IHH: variants seen among roughly 807,000 people sequenced by gnomAD.
IHH encodes the protein indian hedgehog protein.
In IHH, 9 loss-of-function variants were observed where a neutral mutation model predicts 29.4. The observed-to-expected ratio is 0.31, with a 90% CI of 0.18 to 0.53. The LOEUF (loss-of-function observed/expected upper bound fraction) is 0.53. IHH is among the 20% of genes least tolerant of loss of function. The pLI is 0.95. For synonymous variants in IHH, 254 were observed against 252.7 expected (o/e 1.01, Z -0.05); for missense variants, 454 against 578.1 (o/e 0.79, Z 2.20).
chr2:219,057,402 C>A, intron 2 of IHH, 31 bp downstream of exon 2: 1 of 1,552,244 alleles, frequency 6.4e-7, no homozygotes, highest in South Asian at 1.2e-5. Context: ...GCGGCCCCGG[C>A]CCCGGGCCCA....
intron 1 of IHH, 121 bp from the exon 2 acceptor site, chr2:219,057,815 C>A: frequency 7.3e-7 from 1 of 1,365,382 alleles, no homozygotes; most frequent in South Asian, 1.2e-5. Flanking sequence ...GAGCTGGAAG[C>A]CCGGGAGGGT....
rs778251745 is a variant in IHH at position 219,055,776 on chromosome 2, C to T, written c.667G>A (p.Val223Met). 5.0e-6 allele frequency: 8 copies of T among 1,613,374 alleles called. No homozygotes were observed. Among genetic ancestry groups the T allele is most frequent in the Middle Eastern group, 1.6e-4 (1 of 6,078 alleles). ...GCCAGCACACGGTCTCCCGGCCTCACGGCTGACAAGGCCACACGCGCCCCA... is the reference window on the plus strand; with the variant it reads ...GCCAGCACACGGTCTCCCGGCCTCATGGCTGACAAGGCCACACGCGCCCCA... ...ESGARVALSA[V>M]RPGDRVLAMG... Residue 223 changes from valine to methionine, a missense_variant, in exon 3 of 3, where the codon GTG becomes ATG. Coordinates refer to ENST00000295731, the MANE Select transcript of IHH (RefSeq NM_002181.4).
intron 1 of IHH, among the ~76,000 whole-genome samples, chr2:219,058,283 C>T (rs1406759840): frequency 2.0e-5 from 3 of 152,036 alleles, no homozygotes; most frequent in African/African-American, 7.2e-5. Context: ...CGCCGGCCTG[C>T]CTGGATCCCT....
intron 2 of IHH, among the ~76,000 whole-genome samples, 183 bp from the exon 3 acceptor site, chr2:219,056,048 C>T (rs1948828243): frequency 6.6e-6 from 1 of 151,898 alleles, no homozygotes; most frequent in African/African-American, 2.4e-5. Context: ...TCACTGCCCC[C>T]ATCCCCTTAC....
rs767980207 is a variant in IHH at position 219,057,508 on chromosome 2, G to C, written c.502C>G (p.Arg168Gly). 2 of 1,613,648 alleles carry C rather than the reference G, an allele frequency of 1.2e-6. No homozygotes were observed. Among genetic ancestry groups the C allele is most frequent in the Non-Finnish European group, 1.7e-6 (2 of 1,179,932 alleles). The change falls in exon 2 of 3, where the codon CGC becomes GGC. Residue 168 changes from arginine (R) to glycine (G), a missense_variant. By Grantham distance (125) the Arg-to-Gly change is moderately radical (BLOSUM62 -2). Coordinates refer to ENST00000295731, the MANE Select transcript of IHH (RefSeq NM_002181.4). ...RDRNKYGLLA[R>G]LAVEAGFDWV... Reference sequence around the variant, plus strand: ...TCAAAGCCGGCCTCCACTGCCAAGCGCGCCAGCAGTCCATACTTATTGCGG... The same window carrying C: ...TCAAAGCCGGCCTCCACTGCCAAGCCCGCCAGCAGTCCATACTTATTGCGG...
Position 219,059,159 on chromosome 2 carries a change from C to T in IHH, c.315+994G>A, listed in dbSNP as rs915804381. ...CCCGGCCCGGCCACCAGCCAACCTT[C>T]GGCCCCGACACTGGCCGGCCAGCCC... On this transcript the variant is annotated intron_variant, in intron 1 of 2. Transcript: ENST00000295731. This position sits in a 1 kb window ranked among gnomAD's most constrained non-coding sequence, Gnocchi z 4.7. Among the ~76,000 whole-genome samples, 1 of 152,222 alleles carries T rather than the reference C, an allele frequency of 6.6e-6. No homozygotes were observed. Among genetic ancestry groups the T allele is most frequent in the Non-Finnish European group, 1.5e-5 (1 of 68,042 alleles).
rs1366285942 is a variant in IHH at position 219,059,297 on chromosome 2, G to T, written c.315+856C>A. Among the ~76,000 whole-genome samples the T allele has an allele frequency of 6.6e-6, 1 of 152,230 alleles. No individual in the cohort carries two copies. The highest frequency in any genetic ancestry group is 1.5e-5 in the Non-Finnish European group (1 of 68,036). On this transcript the variant is annotated intron_variant, in intron 1 of 2. Coordinates refer to ENST00000295731, the MANE Select transcript of IHH (RefSeq NM_002181.4). This position sits in a 1 kb window ranked among gnomAD's most constrained non-coding sequence, Gnocchi z 4.7. ...CCTCGGGAGACCCCGAAGGAAGGGG[G>T]TGAAGGTCTCTCCCCTCGCGGACCT...
chr2:219,057,245 T>C (rs567234885), intron 2 of IHH, among the ~76,000 whole-genome samples, 188 bp downstream of exon 2: 164 of 152,336 alleles, frequency 1.1e-3, no homozygotes, highest in African/African-American at 3.7e-3. Flanking sequence ...GCTCCTACCA[T>C]GACACTGCCA....
chr2:219,057,280 G>A (rs200248223), intron 2 of IHH, among the ~76,000 whole-genome samples, 153 bp downstream of exon 2: 3 of 152,212 alleles, frequency 2.0e-5, no homozygotes, highest in Non-Finnish European at 4.4e-5. Flanking sequence ...AGGCAGTCAC[G>A]GTCAGGAGCA....
rs138163374 is a variant in IHH, at chr2:219,055,578, G to A, written c.865C>T (p.Arg289Cys). The A allele has an allele frequency of 1.4e-5, 22 of 1,613,202 alleles. 1 individual carries two copies. Among genetic ancestry groups the A allele is most frequent in the African/African-American group, 1.1e-4 (8 of 74,940 alleles). Reference protein sequence around the residue: ...TADNHTEPAARFRATFASHVQ... With the variant: ...TADNHTEPAACFRATFASHVQ... ...TGGCTGGCAAATGTGGCCCGGAAGC[G>A]GGCTGCCGGCTCCGTGTGATTGTCA... is the stretch of plus-strand genomic sequence containing the variant. The change falls in exon 3 of 3, where the codon CGC becomes TGC. Residue 289 changes from arginine to cysteine, a missense_variant. Arg to Cys is a radical substitution (Grantham distance 180, BLOSUM62 -3). This residue lies in a region of IHH where 271 missense variants were observed against 315.9 expected (regional missense o/e 0.86). Coordinates refer to ENST00000295731, the MANE Select transcript of IHH (RefSeq NM_002181.4).
Position 219,060,845 on chromosome 2 carries a change from A to G in IHH, c.-378T>C, listed in dbSNP as rs1948876521. On this transcript the variant is annotated 5_prime_UTR_variant, in exon 1 of 3. Transcript: ENST00000295731. The surrounding 1 kb of genome is among the most constrained non-coding windows in gnomAD (Gnocchi z 8.8). ...CGGCGGGCTGCAGGGCCCCGCGGTT[A>G]GCACCCCGGCCCGGCGGTCAGGCGG... is the stretch of plus-strand genomic sequence containing the variant. Among the ~76,000 whole-genome samples the G allele has an allele frequency of 6.7e-6, 1 of 148,342 alleles. No homozygotes were observed. The highest frequency in any genetic ancestry group is 2.1e-4 in the South Asian group (1 of 4,790).
intron 2 of IHH, 99 bp downstream of exon 2, chr2:219,057,334 C>G: frequency 1.5e-6 from 2 of 1,340,110 alleles, no homozygotes; most frequent in Non-Finnish European, 1.0e-6. Flanking sequence ...CGGATCCCTG[C>G]CTCCATCCCC....
chr2:219,055,178 AG>A lies in IHH; in HGVS notation c.*28del. On this transcript the variant is annotated 3_prime_UTR_variant, in exon 3 of 3. Transcript: ENST00000295731. The stretch of plus-strand genomic sequence containing the variant: ...GAGAGGCTTCTGGACCCAGTACAGC[AG>A]TTCCAGGAGGGCAGCGGTGGAGTCC... The A allele has an allele frequency of 6.4e-7, 1 of 1,551,218 alleles. No homozygotes were observed. The highest frequency in any genetic ancestry group is 1.2e-5 in the South Asian group (1 of 84,184).
rs1948862344 is a variant in IHH at position 219,059,469 on chromosome 2, C to A, written c.315+684G>T. Among the ~76,000 whole-genome samples the A allele has an allele frequency of 6.6e-6, 1 of 152,172 alleles. No individual in the cohort carries two copies. Among genetic ancestry groups the A allele is most frequent in the African/African-American group, 2.4e-5 (1 of 41,448 alleles). ...CTCCTTCCCGTCCCCACCACCAAGC[C>A]CAGGAATCCCCTAAGCTCAGTCCCA... On this transcript the variant is annotated intron_variant, in intron 1 of 2. Transcript: ENST00000295731. The surrounding 1 kb of genome is among the most constrained non-coding windows in gnomAD (Gnocchi z 4.7).
chr2:219,057,225 A>G (rs1480823491), intron 2 of IHH, among the ~76,000 whole-genome samples: 1 of 152,208 alleles, frequency 6.6e-6, no homozygotes, highest in Non-Finnish European at 1.5e-5. Flanking sequence ...ACAGGGCCCT[A>G]TCGCCCTAGG....
chr2:219,058,156 G>A (rs1237907548), intron 1 of IHH, among the ~76,000 whole-genome samples: 3 of 152,184 alleles, frequency 2.0e-5, no homozygotes, highest in African/African-American at 7.2e-5. Context: ...TGCAAGGCCC[G>A]AGGTGCCCAG....
rs1948815447 is a variant in IHH at position 219,054,855 on chromosome 2, G to A, written c.*352C>T. Reference sequence around the variant, plus strand: ...CAACTGAGGCGCAAGCCCACCCAAAGGGGCCTAAGATGGATGGAATGGGCC... The same window carrying A: ...CAACTGAGGCGCAAGCCCACCCAAAAGGGCCTAAGATGGATGGAATGGGCC... On this transcript the variant is annotated 3_prime_UTR_variant, in exon 3 of 3. Coordinates refer to ENST00000295731, the MANE Select transcript of IHH (RefSeq NM_002181.4). 7.2e-6 allele frequency: 2 copies of A among 276,530 alleles called. No homozygotes were observed. Among genetic ancestry groups the A allele is most frequent in the South Asian group, 5.6e-5 (1 of 17,974 alleles). The allele number at this position is 276,530 out of a possible 1,614,324, so 17.1% of individuals were successfully genotyped here.
chr2:219,057,342 C>T, intron 2 of IHH, 91 bp downstream of exon 2: 1 of 1,384,126 alleles, frequency 7.2e-7, no homozygotes, highest in Non-Finnish European at 9.8e-7. Context: ...TGCCTCCATC[C>T]CCGGGCGGGC....
Position 219,060,289 on chromosome 2 carries a change from G to C in IHH, c.179C>G (p.Thr60Ser), listed in dbSNP as rs759450426. ...TTCATAGCGTCCGCTGGCGCCCAGGGTCTTCTCGGGCACATTGGGGCTGAA... is the reference window on the plus strand; with the variant it reads ...TTCATAGCGTCCGCTGGCGCCCAGGCTCTTCTCGGGCACATTGGGGCTGAA... ...KQFSPNVPEK[T>S]LGASGRYEGK... Residue 60 changes from threonine to serine, a missense_variant, in exon 1 of 3, where the codon ACC becomes AGC. This residue lies in a region of IHH where 113 missense variants were observed against 122.1 expected (regional missense o/e 0.93). Transcript: ENST00000295731. The surrounding 1 kb of genome is among the most constrained non-coding windows in gnomAD (Gnocchi z 8.8). The C allele has an allele frequency of 6.2e-7, 1 of 1,613,356 alleles. No individual in the cohort carries two copies. Among genetic ancestry groups the C allele is most frequent in the South Asian group, 1.1e-5 (1 of 91,086 alleles).
Sources: allele counts gnomAD v4.1 joint callset (sites outside exome capture counted in the v4.1 genomes callset), GRCh38; gene constraint gnomAD v4.1.1; regional missense constraint gnomAD v4.1.1; non-coding constraint Gnocchi (gnomAD v3.1); transcripts MANE v1.5; gene names NCBI Gene and HGNC (gene_info 2026-07-23, HGNC 2026-07-21).